The following RMDN2 variants were observed in gnomAD, a reference collection of about 807,000 sequenced individuals.
The protein encoded by RMDN2 is regulator of microtubule dynamics protein 2.
RMDN2 carries 61 observed loss-of-function variants against 52.8 expected under a neutral mutation model. That is an observed-to-expected ratio of 1.16 (90% CI 0.94 to 1.43). The LOEUF (loss-of-function observed/expected upper bound fraction) is 1.43. Ranked by LOEUF, RMDN2 falls within the 40% of genes most tolerant of loss-of-function variation. The pLI, the probability that RMDN2 is intolerant of heterozygous loss-of-function variation, is 0.00. For missense variants in RMDN2, 592 were observed against 475.3 expected, an observed-to-expected ratio of 1.25 and a Z score of -2.28; for synonymous variants, 180 against 153.1, an observed-to-expected ratio of 1.18 and a Z score of -1.30.
intron 4 of RMDN2, 117 bp from the exon 5 acceptor site, chr2:37,981,166 T>C (rs1673261141): frequency 8.2e-6 from 6 of 730,302 alleles, no homozygotes; most frequent in Non-Finnish European, 1.5e-5. Flanking sequence ...AAAGTTGCCA[T>C]GTGATGCTGA....
chr2:37,995,333 C>G (rs1200081987), intron 7 of RMDN2, among the ~76,000 whole-genome samples: 1 of 150,536 alleles, frequency 6.6e-6, no homozygotes, highest in Non-Finnish European at 1.5e-5. Flanking sequence ...ACTACTACTA[C>G]TACTACTACT....
intron 7 of RMDN2, among the ~76,000 whole-genome samples, chr2:37,993,351 G>A (rs1675075281): frequency 6.6e-6 from 1 of 152,162 alleles, no homozygotes; most frequent in Non-Finnish European, 1.5e-5. Context: ...GGGGGAATCA[G>A]CTTCCGCCAA....
chr2:38,051,865 A>G (rs983026531), intron 10 of RMDN2, among the ~76,000 whole-genome samples: 7 of 150,946 alleles, frequency 4.6e-5, no homozygotes, highest in Admixed American at 3.9e-4. Context: ...TTTTTTTTTT[A>G]TGGTTGAACA....
chr2:38,042,382 C>T (rs1352212694), intron 10 of RMDN2, among the ~76,000 whole-genome samples: 2 of 148,524 alleles, frequency 1.3e-5, no homozygotes, highest in African/African-American at 5.1e-5. Context: ...TCTTATTGAT[C>T]TTTTCCAAAA....
At chr2:38,019,573 C>T (rs1679184520), downstream of RMDN2, among the ~76,000 whole-genome samples, 3 of 152,174 alleles carry the variant, frequency 2.0e-5, 1 homozygote, top group Admixed American at 1.3e-4. Flanking sequence ...GAATTCCCCT[C>T]CTCATCCTGG....
downstream of RMDN2, among the ~76,000 whole-genome samples, chr2:38,020,972 T>C (rs916920936): frequency 6.6e-6 from 1 of 152,214 alleles, no homozygotes; most frequent in Non-Finnish European, 1.5e-5. Context: ...TCTGGGCTCC[T>C]GAGTCTGGTG....
intron 7 of RMDN2, among the ~76,000 whole-genome samples, chr2:37,995,018 A>G (rs1675320289): frequency 6.6e-6 from 1 of 152,170 alleles, no homozygotes; most frequent in Non-Finnish European, 1.5e-5. Flanking sequence ...AAGGGGTATG[A>G]GAGAACTTTT....
chr2:37,979,537 T>C (rs1253720176), intron 4 of RMDN2, among the ~76,000 whole-genome samples: 3 of 152,256 alleles, frequency 2.0e-5, no homozygotes, highest in Non-Finnish European at 4.4e-5. Context: ...CAAAATTCTT[T>C]GATAAAACTC....
At chr2:38,033,879 G>A (rs535743942) in intron 10 of RMDN2, among the ~76,000 whole-genome samples, 5 of 152,196 alleles carry the variant, frequency 3.3e-5, no homozygotes, top group South Asian at 2.1e-4. Context: ...TTATCTTTAC[G>A]GAATATATCA....
chr2:37,965,645 A>C (rs376631072), intron 2 of RMDN2, among the ~76,000 whole-genome samples: 15 of 152,204 alleles, frequency 9.9e-5, no homozygotes, highest in South Asian at 2.1e-4. Flanking sequence ...TAAAAGGTGG[A>C]GTTATGAGCC....
intron 10 of RMDN2, among the ~76,000 whole-genome samples, chr2:38,010,705 TGCAGCCACTGTCCTGCACCC>T (rs1274015804): frequency 1.3e-5 from 2 of 152,210 alleles, no homozygotes; most frequent in Non-Finnish European, 2.9e-5. Context: ...CTCGGTGCAC[TGCAGCCACTGTCCTGCACCC>T]GCTTTCTGAC....
rs559483147 is a variant in RMDN2 at position 38,065,377 on chromosome 2, A to T, written c.1714-1605A>T. On this transcript the variant is annotated intron_variant, in intron 10 of 10. Coordinates refer to the RMDN2 transcript ENST00000234195. ...ATGTAAGGAAATAGGAATAAATTTT[A>T]AAAAAAAAAAGAAAAAGAAAGAGGC... Among the ~76,000 whole-genome samples, 188 of 149,264 alleles carry T rather than the reference A, an allele frequency of 1.3e-3. 1 individual carries two copies. Among genetic ancestry groups the T allele is most frequent in the Middle Eastern group, 0.01 (3 of 292 alleles).
At chr2:37,947,651 C>G (rs550240155) in intron 2 of RMDN2, among the ~76,000 whole-genome samples, 1 of 152,220 alleles carries the variant, frequency 6.6e-6, no homozygotes, top group South Asian at 2.1e-4. Context: ...ATAAAAACAA[C>G]TAAATTAATG....
chr2:37,932,929 C>T (rs1327022573), intron 2 of RMDN2, among the ~76,000 whole-genome samples: 15 of 151,214 alleles, frequency 9.9e-5, no homozygotes, highest in Admixed American at 8.5e-4. Context: ...CCCCCCACCT[C>T]CCTCCCGGAC....
intron 2 of RMDN2, among the ~76,000 whole-genome samples, chr2:37,933,740 T>TCGG (rs1473755266): frequency 2.0e-5 from 3 of 151,888 alleles, no homozygotes; most frequent in Non-Finnish European, 4.4e-5. Flanking sequence ...CAGCTTCGGC[T>TCGG]CGGCATCAGA....
intron 10 of RMDN2, among the ~76,000 whole-genome samples, chr2:38,032,657 T>C (rs538152648): frequency 6.6e-6 from 1 of 152,238 alleles, no homozygotes; most frequent in South Asian, 2.1e-4. Flanking sequence ...CTGGCCAACA[T>C]GGGGAAACCC....
chr2:38,003,088 C>G (rs1381314311), intron 8 of RMDN2: 4 of 152,204 alleles, frequency 2.6e-5, no homozygotes, highest in African/African-American at 9.6e-5. Flanking sequence ...ATGTCTACTA[C>G]CTGAACTGGA....
intron 2 of RMDN2, chr2:37,951,737 T>C (rs775905089): frequency 1.6e-5 from 25 of 1,612,614 alleles, no homozygotes; most frequent in Non-Finnish European, 1.9e-5. Context: ...CTAAAAAACA[T>C]ATAACCATCT....
intron 5 of RMDN2, among the ~76,000 whole-genome samples, chr2:37,986,678 A>G (rs997056455): frequency 6.6e-6 from 1 of 152,178 alleles, no homozygotes; most frequent in East Asian, 1.9e-4. Context: ...GCAGAAAAAA[A>G]TTACATGATT....
Sources: allele counts gnomAD v4.1 joint callset (sites outside exome capture counted in the v4.1 genomes callset), GRCh38; gene constraint gnomAD v4.1.1; transcripts MANE v1.5; gene names NCBI Gene and HGNC (gene_info 2026-07-23, HGNC 2026-07-21).